SATB1: variants seen among roughly 807,000 people sequenced by gnomAD.
SATB1 encodes the protein SATB homeobox 1, also known as DNA-binding protein SATB1.
A neutral mutation model predicts 86.9 loss-of-function variants in SATB1; 11 were observed. The observed-to-expected ratio is 0.13, with a 90% CI of 0.08 to 0.21. The LOEUF (loss-of-function observed/expected upper bound fraction) is 0.21. Among genes scored for constraint, SATB1 ranks in the 10% least tolerant of loss-of-function variants. The pLI is 1.00. For synonymous variants in SATB1, 357 were observed against 357.2 expected, an observed-to-expected ratio of 1.00 and a Z score of 0.01; for missense variants, 551 against 937.6, an observed-to-expected ratio of 0.59 and a Z score of 5.39.
chr3:18,377,117 T>C (rs1275030899), intron 9 of SATB1, among the ~76,000 whole-genome samples: 2 of 152,100 alleles, frequency 1.3e-5, no homozygotes, highest in East Asian at 1.9e-4. Context: ...GTCGATAGGG[T>C]AAAAGTTTAG....
chr3:18,400,919 C>T (rs1575144135), intron 5 of SATB1, among the ~76,000 whole-genome samples: 2 of 152,204 alleles, frequency 1.3e-5, no homozygotes, highest in South Asian at 4.1e-4. Flanking sequence ...CTTTCCTTCT[C>T]ATACTCCAAT....
chr3:18,394,014 G>C lies in SATB1; in HGVS notation c.1206+448C>G, dbSNP rs1342273257. On this transcript the variant is annotated intron_variant, in intron 7 of 10. Coordinates refer to ENST00000338745, the MANE Select transcript of SATB1 (RefSeq NM_002971.6). The surrounding 1 kb of genome is among the most constrained non-coding windows in gnomAD (Gnocchi z 5.9). The stretch of plus-strand genomic sequence containing the variant: ...AAACAACAACAACAACAACAACGCT[G>C]CAGTAGAACTTTAAGAGGGAACATT... Among the ~76,000 whole-genome samples the C allele has an allele frequency of 6.6e-5, 10 of 152,286 alleles. No homozygotes were observed. The highest frequency in any genetic ancestry group is 2.4e-4 in the African/African-American group (10 of 41,558).
rs758668882 is a variant in SATB1 at position 18,416,989 on chromosome 3, C to A, written c.301G>T (p.Val101Leu). The stretch of plus-strand genomic sequence containing the variant: ...TGGTTGAAAAGCATATCCTTTCTCA[C>A]CAGCACAAATTCTGCATGCTCCTCC... The part of the protein sequence containing the change: ...CKEEHAEFVL[V>L]RKDMLFNQLI... Residue 101 changes from valine (V) to leucine (L), a missense_variant, in exon 3 of 11, where the codon GTG (valine) becomes TTG (leucine). By Grantham distance (32) the Val-to-Leu change is conservative (BLOSUM62 1). Transcript: ENST00000338745. The A allele has an allele frequency of 1.4e-5, 23 of 1,613,556 alleles. No individual in the cohort carries two copies. Among genetic ancestry groups the A allele is most frequent in the Non-Finnish European group, 7.6e-6 (9 of 1,179,712 alleles).
At chr3:18,430,531 C>T (rs573399644) in intron 2 of SATB1, among the ~76,000 whole-genome samples, 3 of 152,066 alleles carry the variant, frequency 2.0e-5, no homozygotes, top group South Asian at 2.1e-4. Context: ...TACCCCTGTA[C>T]CTATATTATA....
At chr3:18,432,220 A>C (rs1218000751) in intron 2 of SATB1, among the ~76,000 whole-genome samples, 1 of 152,154 alleles carries the variant, frequency 6.6e-6, no homozygotes, top group Non-Finnish European at 1.5e-5. Context: ...AAAGCATCCT[A>C]GACCTAGTTG....
intron 9 of SATB1, among the ~76,000 whole-genome samples, chr3:18,372,322 T>C (rs1259965504): frequency 6.6e-6 from 1 of 152,230 alleles, no homozygotes; most frequent in African/African-American, 2.4e-5. Context: ...TGAGGCTTAA[T>C]GAGTTATGTC....
chr3:18,378,630 A>G (rs902587587), intron 8 of SATB1, among the ~76,000 whole-genome samples: 12 of 152,178 alleles, frequency 7.9e-5, no homozygotes, highest in African/African-American at 2.9e-4. Flanking sequence ...CCCTAAACTA[A>G]TTGTCTCCCA....
In SATB1 at chr3:18,438,214, A is replaced by G. The variant is rs188759386; in HGVS notation, c.-108+351T>C. On this transcript the variant is annotated intron_variant, in intron 1 of 3. Coordinates refer to the SATB1 transcript ENST00000414509. Reference sequence around the variant, plus strand: ...GCTCTTAATGGCATATCAGGAACCAATGAATAAGACTATAGAGGAATCTCT... The same window carrying G: ...GCTCTTAATGGCATATCAGGAACCAGTGAATAAGACTATAGAGGAATCTCT... Among the ~76,000 whole-genome samples the G allele has an allele frequency of 5.9e-5, 9 of 152,344 alleles. No individual in the cohort carries two copies. The East Asian group carries it at 1.7e-3, about 29-fold the overall frequency.
At chr3:18,363,384 CA>C (rs922051564) in intron 9 of SATB1, among the ~76,000 whole-genome samples, 1 of 152,110 alleles carries the variant, frequency 6.6e-6, no homozygotes, top group African/African-American at 2.4e-5. Flanking sequence ...TTAAAAAAGG[CA>C]AGCATAAATA....
chr3:18,387,397 A>C (rs1223048606), intron 7 of SATB1, among the ~76,000 whole-genome samples: 1 of 152,224 alleles, frequency 6.6e-6, no homozygotes, highest in Non-Finnish European at 1.5e-5. Context: ...TGTAATTATC[A>C]AATTTCTTGG....
intron 9 of SATB1, among the ~76,000 whole-genome samples, chr3:18,373,625 A>T (rs1695584171): frequency 6.6e-6 from 1 of 152,226 alleles, no homozygotes; most frequent in South Asian, 2.1e-4. Context: ...CCTAAAGGTC[A>T]GAATGACGTT....
intron 9 of SATB1, among the ~76,000 whole-genome samples, chr3:18,367,337 G>A (rs1392603092): frequency 1.3e-5 from 2 of 152,200 alleles, no homozygotes; most frequent in Non-Finnish European, 2.9e-5. Context: ...CAACAATGAT[G>A]ATGAAAAATG....
At chr3:18,428,236 T>C (rs1559463851), upstream of SATB1, among the ~76,000 whole-genome samples, 1 of 152,164 alleles carries the variant, frequency 6.6e-6, no homozygotes, top group Non-Finnish European at 1.5e-5. Flanking sequence ...CACTGGATAT[T>C]ACATGGCAAG....
intron 9 of SATB1, among the ~76,000 whole-genome samples, chr3:18,366,915 G>A (rs1240804204): frequency 1.3e-5 from 2 of 152,076 alleles, no homozygotes; most frequent in Non-Finnish European, 2.9e-5. Flanking sequence ...CTTACCTTTT[G>A]TTTCCCAGAC....
intron 2 of SATB1, among the ~76,000 whole-genome samples, chr3:18,418,243 T>C (rs1462248332): frequency 1.3e-5 from 2 of 152,168 alleles, no homozygotes; most frequent in African/African-American, 2.4e-5. Flanking sequence ...CTTCTGAAGA[T>C]GACTTAGTGC....
At chr3:18,370,522 A>C (rs1695423575) in intron 9 of SATB1, among the ~76,000 whole-genome samples, 1 of 148,152 alleles carries the variant, frequency 6.7e-6, no homozygotes, top group Non-Finnish European at 1.5e-5. Context: ...AGGCAAAAAA[A>C]AAAAAAAAAA....
At position 18,345,743 on chromosome 3, in the gene SATB1, CTA is replaced by C. The variant is rs2125116264; in HGVS notation, c.*3425_*3426del. ...TCCAACTTGCTTTAACACAACAGTTCTATCAGCTGTATTAGAGGGAATACACA... is the reference window on the plus strand; with the variant it reads ...TCCAACTTGCTTTAACACAACAGTTCTCAGCTGTATTAGAGGGAATACACA... On this transcript the variant is annotated 3_prime_UTR_variant, in exon 11 of 11. Coordinates refer to ENST00000338745, the MANE Select transcript of SATB1 (RefSeq NM_002971.6). 1.3e-5 allele frequency: 2 copies of C among 152,228 alleles called. No individual in the cohort carries two copies. The highest frequency in any genetic ancestry group is 3.9e-4 in the East Asian group (2 of 5,184). The allele number at this position is 152,228 out of a possible 1,614,324, so 9.4% of individuals were successfully genotyped here. A position where few individuals can be genotyped will look rare whatever the true frequency, so the allele number is the denominator to read the frequency against.
intron 10 of SATB1, chr3:18,350,839 GTATC>G (rs1313329614): frequency 2.5e-5 from 4 of 159,486 alleles, no homozygotes; most frequent in Non-Finnish European, 4.2e-5. Context: ...TTAGTTATAC[GTATC>G]TATCTATACA....
chr3:18,394,540 G>A lies in SATB1; in HGVS notation c.1128C>T (p.Tyr376=), dbSNP rs773706315. The part of the protein sequence containing the change: ...STNTEVSSEI[Y]QWVRDELKRA... ...GTTTCAGTTCATCGCGTACCCACTG[G>A]TAGATTTCGGAAGACACCTCTGTGT... is the stretch of plus-strand genomic sequence containing the variant. The change falls in exon 7 of 11, where the codon TAC becomes TAT. Residue 376 remains tyrosine (Y), a synonymous_variant. Coordinates refer to ENST00000338745, the MANE Select transcript of SATB1 (RefSeq NM_002971.6). This position sits in a 1 kb window ranked among gnomAD's most constrained non-coding sequence, Gnocchi z 5.9. 2 of 1,614,174 alleles carry A rather than the reference G, an allele frequency of 1.2e-6. No individual in the cohort carries two copies. Among genetic ancestry groups the A allele is most frequent in the Admixed American group, 1.7e-5 (1 of 60,024 alleles).
Sources: allele counts gnomAD v4.1 joint callset (sites outside exome capture counted in the v4.1 genomes callset), GRCh38; gene constraint gnomAD v4.1.1; non-coding constraint Gnocchi (gnomAD v3.1); transcripts MANE v1.5; gene names NCBI Gene and HGNC (gene_info 2026-07-23, HGNC 2026-07-21).